The following ZNF385D variants were observed in gnomAD, a reference collection of about 807,000 sequenced individuals.
The protein encoded by ZNF385D is zinc finger protein 659.
Under a neutral mutation model 35.8 loss-of-function variants are expected in ZNF385D, and 15 were observed. The ratio of observed to expected loss-of-function variants is 0.42; its 90% CI spans 0.28 to 0.64. The LOEUF (loss-of-function observed/expected upper bound fraction) is 0.64. Ranked by LOEUF, ZNF385D falls within the 30% of genes least tolerant of loss-of-function variation. The pLI is 0.23. For synonymous variants in ZNF385D, 212 were observed against 186.8 expected, an observed-to-expected ratio of 1.13 and a Z score of -1.10; for missense variants, 474 against 494.6, an observed-to-expected ratio of 0.96 and a Z score of 0.39.
At chr3:21,818,746 T>C (rs886876911) in intron 3 of ZNF385D, among the ~76,000 whole-genome samples, 1 of 152,026 alleles carries the variant, frequency 6.6e-6, no homozygotes, top group African/African-American at 2.4e-5. Flanking sequence ...ATTGTGGAGG[T>C]AGGTAATGAA....
chr3:21,970,150 T>G (rs553067099), intron 3 of ZNF385D, among the ~76,000 whole-genome samples: 52 of 152,230 alleles, frequency 3.4e-4, no homozygotes, highest in African/African-American at 1.2e-3. Context: ...ATATAATTCT[T>G]CAATACTCTG....
At chr3:21,618,509 A>G (rs1422910814) in intron 2 of ZNF385D, among the ~76,000 whole-genome samples, 2 of 152,086 alleles carry the variant, frequency 1.3e-5, no homozygotes, top group Non-Finnish European at 2.9e-5. Flanking sequence ...TTGTTATAGC[A>G]CTCCTAGAAA....
In ZNF385D at chr3:21,691,098, C is replaced by A. The variant is rs898538924; in HGVS notation, c.23-26070G>T. 3.9e-5 allele frequency among the ~76,000 whole-genome samples: 6 copies of A among 152,184 alleles called. No individual in the cohort carries two copies. In the South Asian group the frequency reaches 1.2e-3, roughly 32 times the overall value. On this transcript the variant is annotated intron_variant, in intron 1 of 7. Transcript: ENST00000281523. Reference sequence around the variant, plus strand: ...CTCTAGCCTGGACCACATGGTCAAACAATTAAATTGTATTGTCAGGAGTAC... The same window carrying A: ...CTCTAGCCTGGACCACATGGTCAAAAAATTAAATTGTATTGTCAGGAGTAC...
intron 2 of ZNF385D, among the ~76,000 whole-genome samples, chr3:22,299,618 T>C (rs1702788235): frequency 6.6e-6 from 1 of 151,900 alleles, no homozygotes; most frequent in Non-Finnish European, 1.5e-5. Context: ...AAATGAATTC[T>C]GTAAAGTTTC....
At chr3:22,227,192 G>A (rs193018675) in intron 2 of ZNF385D, among the ~76,000 whole-genome samples, 3 of 151,934 alleles carry the variant, frequency 2.0e-5, no homozygotes, top group Admixed American at 6.5e-5. Context: ...GGGGCGGGGG[G>A]GGTGTAGGTG....
intron 3 of ZNF385D, among the ~76,000 whole-genome samples, chr3:21,794,004 A>C (rs1482251252): frequency 6.6e-6 from 1 of 152,152 alleles, no homozygotes; most frequent in African/African-American, 2.4e-5. Context: ...TCTCCATACC[A>C]CTCATCAAGG....
chr3:21,836,292 G>A (rs1695327134), intron 3 of ZNF385D, among the ~76,000 whole-genome samples: 2 of 152,052 alleles, frequency 1.3e-5, no homozygotes, highest in South Asian at 2.1e-4. Flanking sequence ...TTCGATTAAA[G>A]TATCATCAAA....
chr3:22,342,613 C>T (rs60444871), intron 2 of ZNF385D, among the ~76,000 whole-genome samples: 12,891 of 152,230 alleles, frequency 0.085, 956 homozygotes, highest in African/African-American at 0.2. Flanking sequence ...TTTTAACCTA[C>T]ATGCAACAGA....
intron 3 of ZNF385D, among the ~76,000 whole-genome samples, chr3:22,079,919 T>G (rs1164425632): frequency 6.6e-6 from 1 of 151,980 alleles, no homozygotes; most frequent in Admixed American, 6.6e-5. Flanking sequence ...TATGTATATG[T>G]GTGTACATAT....
chr3:21,924,026 A>C (rs138163675), intron 3 of ZNF385D, among the ~76,000 whole-genome samples: 2 of 152,212 alleles, frequency 1.3e-5, no homozygotes, highest in African/African-American at 4.8e-5. Flanking sequence ...TTATGCCTCA[A>C]AATTACCAAA....
intron 3 of ZNF385D, among the ~76,000 whole-genome samples, chr3:21,949,678 G>T (rs770860385): frequency 6.6e-6 from 1 of 151,018 alleles, no homozygotes; most frequent in Non-Finnish European, 1.5e-5. Context: ...TCTACATTAG[G>T]TATTTCTCCT....
At chr3:21,492,609 C>T (rs984970598) in intron 4 of ZNF385D, among the ~76,000 whole-genome samples, 3 of 151,532 alleles carry the variant, frequency 2.0e-5, no homozygotes, top group South Asian at 4.2e-4. Context: ...ACGGTGAAAC[C>T]TCCTCTCCAC....
At chr3:22,198,361 G>C (rs1224608775) in intron 2 of ZNF385D, among the ~76,000 whole-genome samples, 1 of 152,086 alleles carries the variant, frequency 6.6e-6, no homozygotes, top group African/African-American at 2.4e-5. Context: ...ACTTGTGAAA[G>C]GATTCTCAAT....
At chr3:21,588,398 A>G (rs1377130717) in intron 2 of ZNF385D, among the ~76,000 whole-genome samples, 2 of 151,782 alleles carry the variant, frequency 1.3e-5, no homozygotes, top group African/African-American at 2.4e-5. Flanking sequence ...TTACAAATTC[A>G]TATTTTATGA....
chr3:22,278,396 AAG>A (rs1406419394), intron 2 of ZNF385D, among the ~76,000 whole-genome samples: 1 of 152,070 alleles, frequency 6.6e-6, no homozygotes, highest in Non-Finnish European at 1.5e-5. Flanking sequence ...AGCCTCATGA[AAG>A]AGTTTGACCA....
intron 3 of ZNF385D, among the ~76,000 whole-genome samples, chr3:21,981,965 C>G (rs2336521): frequency 0.44 from 66,497 of 151,750 alleles, 16,722 homozygotes; most frequent in African/African-American, 0.7. Context: ...TGTTACTGTA[C>G]CCTTGTAGTA....
chr3:22,156,136 T>C (rs866917392), intron 3 of ZNF385D, among the ~76,000 whole-genome samples: 12 of 152,168 alleles, frequency 7.9e-5, no homozygotes, highest in Non-Finnish European at 4.4e-5. Context: ...TTAATAATTG[T>C]GCAATGAGTA....
At chr3:21,884,716 T>C (rs259562) in intron 3 of ZNF385D, among the ~76,000 whole-genome samples, 87,298 of 151,868 alleles carry the variant, frequency 0.57, 25,277 homozygotes, top group South Asian at 0.71. Flanking sequence ...AAATACTATA[T>C]AATTGTGTGC....
chr3:22,367,479 T>G (rs998775909), intron 2 of ZNF385D, among the ~76,000 whole-genome samples: 4 of 152,202 alleles, frequency 2.6e-5, no homozygotes, highest in African/African-American at 9.6e-5. Flanking sequence ...ACCTGATAAC[T>G]CGGTCCAGTA....
Sources: allele counts gnomAD v4.1 joint callset (sites outside exome capture counted in the v4.1 genomes callset), GRCh38; gene constraint gnomAD v4.1.1; transcripts MANE v1.5; gene names NCBI Gene and HGNC (gene_info 2026-07-23, HGNC 2026-07-21).